Variants in PPP2R2B observed in about 807,000 individuals in gnomAD.
PPP2R2B encodes the protein protein phosphatase 2 regulatory subunit Bbeta, also known as serine/threonine-protein phosphatase 2A 55 kDa regulatory subunit B beta isoform.
Under a neutral mutation model 46.0 loss-of-function variants are expected in PPP2R2B, and 5 were observed. The ratio of observed to expected loss-of-function variants is 0.11; its 90% CI spans 0.06 to 0.23. The LOEUF is 0.23. Ranked by LOEUF, PPP2R2B falls within the 10% of genes least tolerant of loss-of-function variation. The pLI is 1.00. For synonymous variants in PPP2R2B, 215 were observed against 206.7 expected (o/e 1.04, Z -0.34); for missense variants, 367 against 575.0 (o/e 0.64, Z 3.70).
Position 147,019,590 on chromosome 5 carries a change from G to T in PPP2R2B, c.79+36075C>A, listed in dbSNP as rs186443794. On this transcript the variant is annotated intron_variant, in intron 1 of 8. Transcript: ENST00000336640. ...ATAGTTTTACTTTGTTTTTTGTTTT[G>T]TTTTGTTTTTTTTTAAAAAGTCTAT... is the stretch of plus-strand genomic sequence containing the variant. 7.4e-3 allele frequency among the ~76,000 whole-genome samples: 1,127 copies of T among 151,666 alleles called. 10 individuals are homozygous for T. Among genetic ancestry groups the T allele is most frequent in the African/African-American group, 0.026 (1,077 of 41,350 alleles).
rs554101700 is a variant in PPP2R2B, at chr5:146,891,144, G to T, written c.79+164521C>A. On this transcript the variant is annotated intron_variant, in intron 1 of 8. Coordinates refer to the PPP2R2B transcript ENST00000336640. ...GGCCAGATGTGAGTCTCCTTTCTAT[G>T]ATGGGTCAGTAAAGTGTAATAGGCA... 4.6e-5 allele frequency among the ~76,000 whole-genome samples: 7 copies of T among 152,318 alleles called. No homozygotes were observed. The South Asian group carries it at 1.4e-3, about 32-fold the overall frequency.
In PPP2R2B at chr5:146,581,465, G is replaced by C. The variant is rs1371177344; in HGVS notation, c.*8482C>G. ...CCCACCTGGCCCCACCTCAAACACT[G>C]GGGATTACAATTTGACATGAGATTA... On this transcript the variant is annotated 3_prime_UTR_variant, in exon 10 of 10. Coordinates refer to ENST00000394411, the MANE Select transcript of PPP2R2B (RefSeq NM_181675.4). 6.6e-6 allele frequency: 1 copy of C among 152,138 alleles called. No homozygotes were observed. The highest frequency in any genetic ancestry group is 1.5e-5 in the Non-Finnish European group (1 of 68,028). The allele number at this position is 152,138 out of a possible 1,614,324, so 9.4% of individuals were successfully genotyped here.
At chr5:146,707,139 C>T in intron 2 of PPP2R2B, 1 of 1,597,346 alleles carries the variant, frequency 6.3e-7, no homozygotes, top group Non-Finnish European at 8.5e-7. Flanking sequence ...CCAGCTTCAG[C>T]TTCTCCTGGC....
At chr5:146,777,247 T>C (rs1166621927) in intron 2 of PPP2R2B, among the ~76,000 whole-genome samples, 1 of 152,026 alleles carries the variant, frequency 6.6e-6, no homozygotes, top group African/African-American at 2.4e-5. Context: ...GAAGAACGAA[T>C]AAATAAAATG....
intron 1 of PPP2R2B, among the ~76,000 whole-genome samples, chr5:146,894,691 C>T (rs1418902900): frequency 6.6e-6 from 1 of 152,136 alleles, no homozygotes; most frequent in East Asian, 1.9e-4. Context: ...CCACCTGCCT[C>T]GATCTCCCAA....
chr5:146,701,351 C>T, intron 2 of PPP2R2B: 1 of 699,146 alleles, frequency 1.4e-6, no homozygotes, highest in South Asian at 1.6e-5. Flanking sequence ...ACAGTGGTCT[C>T]CTGGAACATC....
At chr5:146,776,403 A>C (rs1174746041) in intron 2 of PPP2R2B, among the ~76,000 whole-genome samples, 1 of 152,074 alleles carries the variant, frequency 6.6e-6, no homozygotes, top group African/African-American at 2.4e-5. Flanking sequence ...TTGAGGAAAG[A>C]ATACTCTCCT....
chr5:146,918,950 G>T (rs950842858), intron 1 of PPP2R2B, among the ~76,000 whole-genome samples: 2 of 152,266 alleles, frequency 1.3e-5, no homozygotes, highest in East Asian at 3.9e-4. Flanking sequence ...GGCTGACACC[G>T]TGTCTACTAA....
At chr5:146,856,759 AG>A (rs1443999550) in intron 2 of PPP2R2B, among the ~76,000 whole-genome samples, 4 of 152,166 alleles carry the variant, frequency 2.6e-5, no homozygotes, top group African/African-American at 9.7e-5. Context: ...ACACTGTAAA[AG>A]CTTCCTTGCC....
At chr5:147,071,564 C>G (rs73310647) in intron 2 of PPP2R2B, among the ~76,000 whole-genome samples, 8 of 152,098 alleles carry the variant, frequency 5.3e-5, no homozygotes, top group African/African-American at 1.9e-4. Flanking sequence ...CCAGATAAGC[C>G]CTTGCCTCAG....
In PPP2R2B at chr5:146,997,703, A is replaced by G. The variant is rs190586414; in HGVS notation, c.79+57962T>C. ...TTAAGCTAACAGTAGACTCAGTAAT[A>G]TAATGTGGTAAAATTTTTAGAATGG... On this transcript the variant is annotated intron_variant, in intron 1 of 8. Transcript: ENST00000336640. 2.6e-5 allele frequency among the ~76,000 whole-genome samples: 4 copies of G among 152,332 alleles called. No individual in the cohort carries two copies. The East Asian group carries it at 7.7e-4, about 29-fold the overall frequency.
chr5:147,061,433 C>T (rs1277607546), intron 2 of PPP2R2B, among the ~76,000 whole-genome samples: 2 of 152,172 alleles, frequency 1.3e-5, no homozygotes, highest in Non-Finnish European at 2.9e-5. Context: ...TTTATCCTCA[C>T]CGAGATTTCC....
At chr5:146,808,405 A>T (rs1021522591) in intron 2 of PPP2R2B, among the ~76,000 whole-genome samples, 2 of 151,910 alleles carry the variant, frequency 1.3e-5, no homozygotes, top group Admixed American at 6.6e-5. Context: ...GAAAATCATC[A>T]CTCTATCACT....
At chr5:146,657,658 C>T (rs1292452490) in intron 5 of PPP2R2B, among the ~76,000 whole-genome samples, 1 of 139,422 alleles carries the variant, frequency 7.2e-6, no homozygotes, top group Non-Finnish European at 1.6e-5. Context: ...CTAAGGTGTA[C>T]TATGCAATTC....
chr5:146,831,590 T>A (rs1758944930), intron 2 of PPP2R2B, among the ~76,000 whole-genome samples: 1 of 142,160 alleles, frequency 7.0e-6, no homozygotes, highest in African/African-American at 2.6e-5. Context: ...AACCTGCACA[T>A]CCTGCACATG....
intron 2 of PPP2R2B, among the ~76,000 whole-genome samples, chr5:146,788,885 C>A (rs1756014395): frequency 6.6e-6 from 1 of 152,212 alleles, no homozygotes; most frequent in African/African-American, 2.4e-5. Context: ...CTCTCAGTTT[C>A]TTCCAGAGAC....
Position 146,900,203 on chromosome 5 carries a change from A to G in PPP2R2B, c.79+155462T>C, listed in dbSNP as rs1054689297. ...TTTTTGCCATGCACAGACAAGATCC[A>G]CTAATAGGTCGACCCAAGGAATAAG... On this transcript the variant is annotated intron_variant, in intron 1 of 8. Coordinates refer to the PPP2R2B transcript ENST00000336640. Among the ~76,000 whole-genome samples, 5 of 152,192 alleles carry G rather than the reference A, an allele frequency of 3.3e-5. No homozygotes were observed. In the South Asian group the frequency reaches 8.3e-4, roughly 25 times the overall value.
intron 1 of PPP2R2B, among the ~76,000 whole-genome samples, chr5:146,891,205 C>G (rs924871564): frequency 6.6e-6 from 1 of 152,180 alleles, no homozygotes; most frequent in African/African-American, 2.4e-5. Flanking sequence ...AACCAGGCTA[C>G]TTGAGGTCAA....
intron 4 of PPP2R2B, among the ~76,000 whole-genome samples, chr5:146,692,785 C>T (rs1305171020): frequency 5.3e-5 from 8 of 152,064 alleles, no homozygotes; most frequent in African/African-American, 1.4e-4. Flanking sequence ...CCGCCTGCCT[C>T]GGTCTCCCAA....
Sources: gnomAD v4.1 joint callset for allele counts (sites outside exome capture counted in the v4.1 genomes callset) on GRCh38, gnomAD v4.1.1 for gene constraint, MANE v1.5 for transcripts, NCBI Gene and HGNC (gene_info 2026-07-23, HGNC 2026-07-21) for gene names.